HS6ST3: variants seen among roughly 807,000 people sequenced by gnomAD.
The protein encoded by HS6ST3 is heparan-sulfate 6-O-sulfotransferase 3.
A neutral mutation model predicts 36.7 loss-of-function variants in HS6ST3; 12 were observed. That is an observed-to-expected ratio of 0.33 (90% confidence interval 0.21 to 0.53). HS6ST3 has a LOEUF of 0.53. Ranked by LOEUF, HS6ST3 falls within the 20% of genes least tolerant of loss-of-function variation. HS6ST3 has a pLI of 0.95. For synonymous variants in HS6ST3, 240 were observed against 257.5 expected, an observed-to-expected ratio of 0.93 and a Z score of 0.65; for missense variants, 584 against 640.9, an observed-to-expected ratio of 0.91 and a Z score of 0.96.
At chr13:96,571,221 T>C (rs947168400) in intron 1 of HS6ST3, among the ~76,000 whole-genome samples, 2 of 152,244 alleles carry the variant, frequency 1.3e-5, no homozygotes, top group African/African-American at 4.8e-5. Context: ...TCAACTCTGC[T>C]TATTGATCAG....
At chr13:96,659,304 A>G (rs2056638191) in intron 1 of HS6ST3, among the ~76,000 whole-genome samples, 1 of 152,080 alleles carries the variant, frequency 6.6e-6, no homozygotes, top group East Asian at 1.9e-4. Context: ...TCCTTTGGAT[A>G]TTTTCTGTTG....
At chr13:96,402,659 G>T (rs1393538127) in intron 1 of HS6ST3, among the ~76,000 whole-genome samples, 2 of 152,196 alleles carry the variant, frequency 1.3e-5, no homozygotes, top group African/African-American at 4.8e-5. Context: ...AGCTTCAGAT[G>T]AATGGAATCA....
intron 1 of HS6ST3, among the ~76,000 whole-genome samples, chr13:96,235,799 A>G (rs975792874): frequency 1.3e-5 from 2 of 152,094 alleles, no homozygotes; most frequent in African/African-American, 4.8e-5. Context: ...CCAGATTATT[A>G]TTTTTATGGC....
chr13:96,805,267 G>A (rs182753930), intron 1 of HS6ST3, among the ~76,000 whole-genome samples: 1 of 152,244 alleles, frequency 6.6e-6, no homozygotes, highest in East Asian at 1.9e-4. Flanking sequence ...TGCTGTTCTT[G>A]TGATAGTGAG....
At chr13:96,174,816 T>C (rs1306154328) in intron 1 of HS6ST3, among the ~76,000 whole-genome samples, 1 of 152,188 alleles carries the variant, frequency 6.6e-6, no homozygotes, top group East Asian at 1.9e-4. Flanking sequence ...TACTTCTTAG[T>C]TATAGTCAAA....
At chr13:96,481,727 T>G (rs1272176526) in intron 1 of HS6ST3, among the ~76,000 whole-genome samples, 1 of 152,064 alleles carries the variant, frequency 6.6e-6, no homozygotes, top group Non-Finnish European at 1.5e-5. Context: ...GGTGATCAGC[T>G]AAAAAAGAAG....
chr13:96,249,348 GA>G (rs1180172032), intron 1 of HS6ST3, among the ~76,000 whole-genome samples: 1 of 152,146 alleles, frequency 6.6e-6, no homozygotes, highest in Non-Finnish European at 1.5e-5. Context: ...TGAAACCTGA[GA>G]AAAAAGATTG....
chr13:96,678,138 G>C (rs1194890037), intron 1 of HS6ST3, among the ~76,000 whole-genome samples: 5 of 152,112 alleles, frequency 3.3e-5, no homozygotes, highest in Admixed American at 6.6e-5. Flanking sequence ...AAGCAAAAAA[G>C]CAAGAGGGGA....
chr13:96,303,083 G>A (rs1015118255), intron 1 of HS6ST3, among the ~76,000 whole-genome samples: 1 of 152,144 alleles, frequency 6.6e-6, no homozygotes, highest in Non-Finnish European at 1.5e-5. Flanking sequence ...GCCCTTTACA[G>A]AAAACGTTTT....
chr13:96,634,118 C>T (rs981626662), intron 1 of HS6ST3, among the ~76,000 whole-genome samples: 1 of 152,156 alleles, frequency 6.6e-6, no homozygotes, highest in African/African-American at 2.4e-5. Context: ...CATGCTGGCT[C>T]CCTGAGCTGG....
chr13:96,264,363 A>G (rs1206167130), intron 1 of HS6ST3, among the ~76,000 whole-genome samples: 3 of 152,152 alleles, frequency 2.0e-5, no homozygotes, highest in African/African-American at 7.2e-5. Flanking sequence ...GCTTTCACTG[A>G]AAGGGGCTCC....
chr13:96,579,002 G>A (rs1270357750), intron 1 of HS6ST3, among the ~76,000 whole-genome samples: 5 of 152,188 alleles, frequency 3.3e-5, no homozygotes, highest in Middle Eastern at 3.4e-3. Flanking sequence ...GTCTTTGATC[G>A]CTAGAGTTTG....
intron 1 of HS6ST3, among the ~76,000 whole-genome samples, chr13:96,364,639 C>T (rs1476921260): frequency 6.6e-6 from 1 of 152,022 alleles, no homozygotes; most frequent in Non-Finnish European, 1.5e-5. Flanking sequence ...TTAATGAGTA[C>T]ATAGTTTCTG....
At chr13:96,248,423 A>G (rs2054593647) in intron 1 of HS6ST3, among the ~76,000 whole-genome samples, 1 of 152,146 alleles carries the variant, frequency 6.6e-6, no homozygotes, top group South Asian at 2.1e-4. Flanking sequence ...TAGGATCTTT[A>G]GTATCTCTTA....
chr13:96,283,892 C>T lies in HS6ST3; in HGVS notation c.707+192323C>T, dbSNP rs142268927. Among the ~76,000 whole-genome samples the T allele has an allele frequency of 6.0e-3, 918 of 152,198 alleles. 12 individuals carry two copies. The highest frequency in any genetic ancestry group is 0.021 in the African/African-American group (859 of 41,528). On this transcript the variant is annotated intron_variant, in intron 1 of 1. Coordinates refer to ENST00000376705, the MANE Select transcript of HS6ST3 (RefSeq NM_153456.4). ...CAGGTTTTGCTCATGCTCTGGCTTG[C>T]GGGTCACCCTTTGACTAGCAAGGTT... is the stretch of plus-strand genomic sequence containing the variant.
rs1213641941 is a variant in HS6ST3, at chr13:96,090,571, C to T, written c.-292C>T. Among the ~76,000 whole-genome samples, 1 of 145,840 alleles carries T rather than the reference C, an allele frequency of 6.9e-6. No individual in the cohort carries two copies. Among genetic ancestry groups the T allele is most frequent in the Non-Finnish European group, 1.5e-5 (1 of 65,670 alleles). ...GTCGCCTGAGAGAGCCGCGCCGGGG[C>T]GGGAGCAGGGAGCGGGCCGGCCCGG... On this transcript the variant is annotated 5_prime_UTR_variant, in exon 1 of 2. Coordinates refer to ENST00000376705, the MANE Select transcript of HS6ST3 (RefSeq NM_153456.4).
intron 1 of HS6ST3, among the ~76,000 whole-genome samples, chr13:96,536,006 T>C (rs2056153782): frequency 6.6e-6 from 1 of 152,204 alleles, no homozygotes; most frequent in South Asian, 2.1e-4. Context: ...CTCCTTCTTT[T>C]TAACCTCATC....
intron 1 of HS6ST3, among the ~76,000 whole-genome samples, chr13:96,760,786 AT>A (rs1200026279): frequency 6.6e-6 from 1 of 151,944 alleles, no homozygotes; most frequent in Non-Finnish European, 1.5e-5. Flanking sequence ...CAATTATTTT[AT>A]TTTTTGCATT....
At chr13:96,653,601 G>A (rs947302224) in intron 1 of HS6ST3, among the ~76,000 whole-genome samples, 3 of 152,064 alleles carry the variant, frequency 2.0e-5, no homozygotes, top group Non-Finnish European at 2.9e-5. Flanking sequence ...TCTTTATCCA[G>A]TCTATCACTG....
Sources: gnomAD v4.1 joint callset for allele counts (sites outside exome capture counted in the v4.1 genomes callset) on GRCh38, gnomAD v4.1.1 for gene constraint, MANE v1.5 for transcripts, NCBI Gene and HGNC (gene_info 2026-07-23, HGNC 2026-07-21) for gene names.